DNAH11: variants seen among roughly 807,000 people sequenced by gnomAD.
DNAH11 encodes axonemal beta dynein heavy chain 11.
Under a neutral mutation model 526.0 loss-of-function variants are expected in DNAH11, and 442 were observed. That is an observed-to-expected ratio of 0.84 (90% confidence interval 0.78 to 0.91). The LOEUF is 0.91. Among genes scored for constraint, DNAH11 ranks in the 40% least tolerant of loss-of-function variants. DNAH11 has a pLI of 0.00. For missense variants in DNAH11, 6,989 were observed against 5,448.7 expected (o/e 1.28, Z -8.90); for synonymous variants, 2,461 against 1,935.9 (o/e 1.27, Z -7.12).
At chr7:21,764,501 T>C (rs1305805407) in intron 54 of DNAH11, among the ~76,000 whole-genome samples, 1 of 151,312 alleles carries the variant, frequency 6.6e-6, no homozygotes, top group African/African-American at 2.4e-5. Flanking sequence ...CCTTACTCCC[T>C]GATTGACAGT....
intron 42 of DNAH11, among the ~76,000 whole-genome samples, chr7:21,716,934 C>G (rs1784687053): frequency 6.6e-6 from 1 of 152,128 alleles, no homozygotes; most frequent in Non-Finnish European, 1.5e-5. Flanking sequence ...GCCTTAATGT[C>G]TCCTGATGCT....
intron 62 of DNAH11, among the ~76,000 whole-genome samples, chr7:21,807,565 G>A (rs1046648769): frequency 6.6e-6 from 1 of 152,104 alleles, no homozygotes; most frequent in Non-Finnish European, 1.5e-5. Context: ...ATTCCCAGAG[G>A]GACAGGGGAG....
chr7:21,739,942 C>T (rs1288401904), intron 48 of DNAH11, among the ~76,000 whole-genome samples: 4 of 152,072 alleles, frequency 2.6e-5, no homozygotes, highest in Admixed American at 6.6e-5. Flanking sequence ...CTTGTTTTAC[C>T]CTATTATTAA....
At chr7:21,721,631 C>T (rs943402378) in intron 44 of DNAH11, among the ~76,000 whole-genome samples, 25 of 152,182 alleles carry the variant, frequency 1.6e-4, no homozygotes, top group African/African-American at 6.0e-4. Context: ...ACTGGTTTCT[C>T]TTTTAATGAG....
intron 45 of DNAH11, 94 bp downstream of exon 45, chr7:21,726,078 A>C: frequency 8.0e-7 from 1 of 1,251,938 alleles, no homozygotes; most frequent in East Asian, 2.7e-5. Flanking sequence ...AAAGAGGTTT[A>C]ATTGGCTCAT....
intron 51 of DNAH11, among the ~76,000 whole-genome samples, chr7:21,747,218 T>G (rs539307938): frequency 1.3e-5 from 2 of 152,300 alleles, no homozygotes; most frequent in Admixed American, 6.5e-5. Context: ...TCCCCAAGGT[T>G]GTTTTGTTGT....
intron 65 of DNAH11, among the ~76,000 whole-genome samples, chr7:21,837,368 A>C (rs908677720): frequency 6.6e-6 from 1 of 152,196 alleles, no homozygotes; most frequent in African/African-American, 2.4e-5. Context: ...AGTATGGTAT[A>C]TATACACAAT....
chr7:21,671,635 C>G (rs886749644), intron 30 of DNAH11, among the ~76,000 whole-genome samples: 2 of 151,796 alleles, frequency 1.3e-5, no homozygotes, highest in African/African-American at 4.8e-5. Flanking sequence ...TTCTCTATAG[C>G]TTGTTTTATA....
rs114559915 is a variant in DNAH11, at chr7:21,712,135, T to G, written c.6983+275T>G. Among the ~76,000 whole-genome samples, 827 of 152,324 alleles carry G rather than the reference T, an allele frequency of 5.4e-3. 7 individuals carry two copies. The highest frequency in any genetic ancestry group is 0.019 in the African/African-American group (774 of 41,558). On this transcript the variant is annotated intron_variant, in intron 42 of 81. Coordinates refer to ENST00000409508, the MANE Select transcript of DNAH11 (RefSeq NM_001277115.2). ...CGCATATAAATGGAATCATACAGTG[T>G]TTGTCTTTTAGTGACAGGTTTATTT...
chr7:21,759,117 C>T (rs894863826), intron 54 of DNAH11, among the ~76,000 whole-genome samples: 2 of 152,198 alleles, frequency 1.3e-5, no homozygotes, highest in Non-Finnish European at 2.9e-5. Flanking sequence ...ACAAGCATGG[C>T]AGCTGAGACG....
intron 6 of DNAH11, among the ~76,000 whole-genome samples, chr7:21,569,459 A>G (rs1011625195): frequency 1.3e-5 from 2 of 152,102 alleles, no homozygotes; most frequent in African/African-American, 4.8e-5. Context: ...TGCCACGTGG[A>G]TCTTCCAGTC....
chr7:21,710,124 A>G (rs1784406185), intron 40 of DNAH11, among the ~76,000 whole-genome samples: 3 of 152,218 alleles, frequency 2.0e-5, no homozygotes, highest in African/African-American at 4.8e-5. Flanking sequence ...CTTCAGAATT[A>G]TGCCCTTGAA....
intron 2 of DNAH11, among the ~76,000 whole-genome samples, chr7:21,546,781 C>T (rs891894657): frequency 1.9e-4 from 29 of 152,232 alleles, no homozygotes; most frequent in African/African-American, 6.7e-4. Flanking sequence ...TCATTTGGTT[C>T]TTCTCAGTCA....
chr7:21,838,359 C>T (rs1246679550), intron 65 of DNAH11, among the ~76,000 whole-genome samples: 1 of 152,062 alleles, frequency 6.6e-6, no homozygotes, highest in Non-Finnish European at 1.5e-5. Context: ...TAATTGTTCC[C>T]TTTTTTTGGT....
intron 28 of DNAH11, among the ~76,000 whole-genome samples, chr7:21,639,449 C>T (rs765198503): frequency 4.6e-5 from 7 of 152,142 alleles, no homozygotes; most frequent in Non-Finnish European, 1.0e-4. Context: ...CCTTCTTACT[C>T]CTCCCTCCAG....
At chr7:21,591,668 T>C (rs530131315) in intron 14 of DNAH11, 91 bp downstream of exon 14, 4 of 1,300,390 alleles carry the variant, frequency 3.1e-6, no homozygotes, top group East Asian at 2.4e-5. Context: ...TGGGACTCTT[T>C]TATCAAGCCT....
chr7:21,609,497 A>G (rs192667373), intron 20 of DNAH11, among the ~76,000 whole-genome samples: 9 of 152,200 alleles, frequency 5.9e-5, no homozygotes, highest in African/African-American at 2.2e-4. Context: ...TGGGATTACA[A>G]GCATGAGCCA....
intron 30 of DNAH11, among the ~76,000 whole-genome samples, chr7:21,670,976 CT>C (rs1562742716): frequency 6.6e-6 from 1 of 151,678 alleles, no homozygotes; most frequent in East Asian, 1.9e-4. Flanking sequence ...CTGTAATTTT[CT>C]TTTTCTATGA....
At chr7:21,873,146 T>C (rs1239892011) in intron 73 of DNAH11, 128 bp from the exon 74 acceptor site, 1 of 853,172 alleles carries the variant, frequency 1.2e-6, no homozygotes, top group African/African-American at 1.7e-5. Flanking sequence ...TTATGATGTA[T>C]TGATAAAGGA....
Sources: allele counts gnomAD v4.1 joint callset (sites outside exome capture counted in the v4.1 genomes callset), GRCh38; gene constraint gnomAD v4.1.1; transcripts MANE v1.5; gene names NCBI Gene and HGNC (gene_info 2026-07-23, HGNC 2026-07-21).